The following DPP10 variants were observed in gnomAD, a reference collection of about 807,000 sequenced individuals.
DPP10 encodes inactive dipeptidyl peptidase 10.
DPP10 carries 33 observed loss-of-function variants against 120.9 expected under a neutral mutation model. The ratio of observed to expected loss-of-function variants is 0.27; its 90% CI spans 0.21 to 0.37. The LOEUF (loss-of-function observed/expected upper bound fraction) is 0.37. Among genes scored for constraint, DPP10 ranks in the 10% least tolerant of loss-of-function variants. DPP10 has a pLI of 1.00. For synonymous variants in DPP10, 337 were observed against 326.1 expected, an observed-to-expected ratio of 1.03 and a Z score of -0.36; for missense variants, 816 against 942.8, an observed-to-expected ratio of 0.87 and a Z score of 1.76.
chr2:114,734,500 A>T (rs1248757191), intron 1 of DPP10, among the ~76,000 whole-genome samples: 1 of 152,182 alleles, frequency 6.6e-6, no homozygotes, highest in Admixed American at 6.6e-5. Context: ...TCTGAACAAA[A>T]CCAATGTATT....
chr2:115,491,203 G>A (rs1347561789), intron 3 of DPP10, among the ~76,000 whole-genome samples: 1 of 152,124 alleles, frequency 6.6e-6, no homozygotes, highest in Non-Finnish European at 1.5e-5. Context: ...ATAGAGAAGA[G>A]ACTTAACTCC....
intron 7 of DPP10, among the ~76,000 whole-genome samples, chr2:115,690,711 G>A (rs1433959898): frequency 2.0e-5 from 3 of 152,138 alleles, no homozygotes; most frequent in Admixed American, 1.3e-4. Flanking sequence ...AGTGAGCCCC[G>A]CCTGCAATAT....
intron 4 of DPP10, among the ~76,000 whole-genome samples, chr2:115,525,201 C>G (rs2078054922): frequency 6.6e-6 from 1 of 151,780 alleles, no homozygotes; most frequent in East Asian, 1.9e-4. Flanking sequence ...ATGTGCTTGC[C>G]CTCTCTTTAG....
intron 7 of DPP10, among the ~76,000 whole-genome samples, chr2:115,713,468 G>A (rs907818912): frequency 4.6e-5 from 7 of 152,162 alleles, no homozygotes; most frequent in African/African-American, 1.4e-4. Flanking sequence ...ACAATCTGGG[G>A]ATGACTGGTG....
intron 1 of DPP10, among the ~76,000 whole-genome samples, chr2:114,647,205 G>A (rs1185819349): frequency 6.6e-6 from 1 of 152,186 alleles, no homozygotes; most frequent in Non-Finnish European, 1.5e-5. Context: ...ATGGCTCCAG[G>A]TGTCCATCTT....
intron 1 of DPP10, among the ~76,000 whole-genome samples, chr2:114,817,009 A>G (rs1685690301): frequency 6.6e-6 from 1 of 152,220 alleles, no homozygotes; most frequent in Non-Finnish European, 1.5e-5. Flanking sequence ...AAGCATACTG[A>G]TAACAGTAAA....
At position 115,768,494 on chromosome 2, in the gene DPP10, T is replaced by C. The variant is rs950833514; in HGVS notation, c.1221+90T>C. On this transcript the variant is annotated intron_variant, in intron 13 of 25. Transcript: ENST00000410059. ...TGTGGCATTCTAAACCTCTAGTTCA[T>C]GGTGGTGAAACCCAGCCATATATAC... is the stretch of plus-strand genomic sequence containing the variant. 1.3e-5 allele frequency: 15 copies of C among 1,165,006 alleles called. No homozygotes were observed. In the Admixed American group the frequency reaches 2.7e-4, roughly 21 times the overall value. 72.2% of individuals were successfully genotyped at this position (1,165,006 alleles called of 1,614,324 possible). A position where few individuals can be genotyped will look rare whatever the true frequency, so the allele number is the denominator to read the frequency against.
intron 5 of DPP10, among the ~76,000 whole-genome samples, chr2:115,623,168 A>G (rs760169264): frequency 1.3e-5 from 2 of 152,100 alleles, no homozygotes; most frequent in African/African-American, 2.4e-5. Flanking sequence ...CTTATTGTCT[A>G]TGGGTATTTT....
At chr2:115,762,633 C>T (rs1680253981) in intron 12 of DPP10, 23 bp downstream of exon 12, 1 of 1,612,002 alleles carries the variant, frequency 6.2e-7, no homozygotes, top group African/African-American at 1.3e-5. Context: ...TGGTCTGTCA[C>T]ATCTTGGCCA....
chr2:114,492,863 G>A (rs1682127020), intron 1 of DPP10, among the ~76,000 whole-genome samples: 2 of 152,144 alleles, frequency 1.3e-5, no homozygotes, highest in Admixed American at 6.6e-5. Flanking sequence ...TTTAACAAAT[G>A]TTTGTTGGGC....
intron 1 of DPP10, among the ~76,000 whole-genome samples, chr2:114,980,315 G>T (rs1472613817): frequency 6.6e-6 from 1 of 152,024 alleles, no homozygotes; most frequent in African/African-American, 2.4e-5. Flanking sequence ...AAGTTAAGTG[G>T]AAAGAGTATC....
In DPP10 at chr2:114,732,460, C is replaced by T. The variant is rs557326639; in HGVS notation, c.60+289622C>T. On this transcript the variant is annotated intron_variant, in intron 1 of 25. Transcript: ENST00000410059. ...TGAGTTCACATGGCTTTGGCACACACTGTGTGGGGATTGGGGGAGAGAGTA... is the reference window on the plus strand; with the variant it reads ...TGAGTTCACATGGCTTTGGCACACATTGTGTGGGGATTGGGGGAGAGAGTA... 2.0e-5 allele frequency among the ~76,000 whole-genome samples: 3 copies of T among 152,282 alleles called. No homozygotes were observed. The South Asian group carries it at 6.2e-4, about 32-fold the overall frequency.
intron 3 of DPP10, among the ~76,000 whole-genome samples, chr2:115,402,854 A>AAAATATATATATATATATAT: frequency 1.0e-5 from 1 of 97,668 alleles, no homozygotes; most frequent in African/African-American, 3.9e-5. Flanking sequence ...AAAAAAAAAA[A>AAAATATATATATATATATAT]ATATATATAT....
At chr2:115,388,167 G>T (rs185354501) in intron 3 of DPP10, among the ~76,000 whole-genome samples, 1 of 152,324 alleles carries the variant, frequency 6.6e-6, no homozygotes. Context: ...AATGCATGTA[G>T]TCTACTCAGC....
chr2:114,946,647 T>A (rs1432376509), intron 1 of DPP10, among the ~76,000 whole-genome samples: 1 of 152,110 alleles, frequency 6.6e-6, no homozygotes, highest in African/African-American at 2.4e-5. Flanking sequence ...CATAAATCCA[T>A]GTTTTATTAT....
chr2:115,166,520 TATAA>T (rs1559172679), intron 1 of DPP10, among the ~76,000 whole-genome samples: 2 of 141,420 alleles, frequency 1.4e-5, no homozygotes, highest in South Asian at 2.1e-4. Flanking sequence ...AAATTTATAA[TATAA>T]ATATATATAT....
chr2:115,003,935 A>C (rs1259077693), intron 1 of DPP10, among the ~76,000 whole-genome samples: 1 of 152,244 alleles, frequency 6.6e-6, no homozygotes, highest in Non-Finnish European at 1.5e-5. Context: ...ATACAGTATT[A>C]GTTTATTATG....
At chr2:115,042,161 C>A (rs1249771015) in intron 1 of DPP10, among the ~76,000 whole-genome samples, 2 of 151,910 alleles carry the variant, frequency 1.3e-5, no homozygotes, top group Non-Finnish European at 2.9e-5. Context: ...TAAAACAAAG[C>A]CAGTTTCAAA....
At chr2:114,934,051 A>T (rs531045705) in intron 1 of DPP10, among the ~76,000 whole-genome samples, 25 of 152,294 alleles carry the variant, frequency 1.6e-4, no homozygotes, top group African/African-American at 6.0e-4. Flanking sequence ...TTTCAAGTTC[A>T]CCATTAAAAT....
Sources: allele counts gnomAD v4.1 joint callset (sites outside exome capture counted in the v4.1 genomes callset), GRCh38; gene constraint gnomAD v4.1.1; transcripts MANE v1.5; gene names NCBI Gene and HGNC (gene_info 2026-07-23, HGNC 2026-07-21).